The following CALN1 variants were observed in gnomAD, a reference collection of about 807,000 sequenced individuals.
The protein encoded by CALN1 is calneuron 1, also known as calcium-binding protein 8.
CALN1 carries 17 observed loss-of-function variants against 30.6 expected under a neutral mutation model. The ratio of observed to expected loss-of-function variants is 0.56; its 90% confidence interval spans 0.38 to 0.83. The LOEUF is 0.83. CALN1 is among the 40% of genes least tolerant of loss of function. The pLI, the probability that CALN1 is intolerant of heterozygous loss-of-function variation, is 0.00. For missense variants in CALN1, 291 were observed against 354.9 expected, an observed-to-expected ratio of 0.82 and a Z score of 1.45; for synonymous variants, 156 against 131.4, an observed-to-expected ratio of 1.19 and a Z score of -1.28.
chr7:72,132,779 A>C (rs1423540063), intron 3 of CALN1, among the ~76,000 whole-genome samples: 1 of 152,126 alleles, frequency 6.6e-6, no homozygotes, highest in Non-Finnish European at 1.5e-5. Flanking sequence ...TCTCTCCAAG[A>C]CAATGTAGCC....
the CALN1 span, among the ~76,000 whole-genome samples, chr7:72,475,746 C>T: frequency 6.6e-6 from 1 of 152,108 alleles, no homozygotes; most frequent in East Asian, 1.9e-4. Context: ...GTAGAAGAGC[C>T]TTGCCCAAAT....
At chr7:72,058,308 A>ATTTTTTT (rs1563019395) in intron 4 of CALN1, among the ~76,000 whole-genome samples, 50 of 92,084 alleles carry the variant, frequency 5.4e-4, no homozygotes, top group Non-Finnish European at 8.6e-4. Context: ...ACAAGCTGGA[A>ATTTTTTT]TCTTTTTTTT....
At chr7:72,108,080 A>T (rs184912994) in intron 3 of CALN1, among the ~76,000 whole-genome samples, 1 of 152,326 alleles carries the variant, frequency 6.6e-6, no homozygotes, top group African/African-American at 2.4e-5. Flanking sequence ...CACAATCATG[A>T]TGTCAGCAGA....
intron 5 of CALN1, among the ~76,000 whole-genome samples, chr7:71,868,521 G>A (rs1276678406): frequency 6.6e-6 from 1 of 151,830 alleles, no homozygotes. Flanking sequence ...ACAGATGTCC[G>A]CCACCACGCC....
intron 5 of CALN1, among the ~76,000 whole-genome samples, chr7:71,876,094 GA>G (rs970033191): frequency 1.4e-4 from 21 of 150,648 alleles, no homozygotes; most frequent in African/African-American, 4.6e-4. Context: ...AACAGGGAAA[GA>G]AAAAAAAATA....
chr7:71,931,072 A>G (rs1795525410), intron 5 of CALN1, among the ~76,000 whole-genome samples: 1 of 152,248 alleles, frequency 6.6e-6, no homozygotes, highest in Non-Finnish European at 1.5e-5. Context: ...TAAGAGAGAA[A>G]ACAAATTTCC....
At chr7:72,278,841 G>C in intron 2 of CALN1, 31 bp from the exon 3 acceptor site, 1 of 1,587,860 alleles carries the variant, frequency 6.3e-7, no homozygotes, top group Non-Finnish European at 8.6e-7. Flanking sequence ...GAGGGGAAAA[G>C]AAAGACATCA....
At chr7:72,372,127 T>C (rs1397823365) in intron 2 of CALN1, among the ~76,000 whole-genome samples, 2 of 152,202 alleles carry the variant, frequency 1.3e-5, no homozygotes, top group Admixed American at 1.3e-4. Flanking sequence ...GGTTTCCTAA[T>C]ACTCAGAATG....
chr7:72,404,924 TACTGGTGTGAATG>T (rs1806598741), intron 1 of CALN1, among the ~76,000 whole-genome samples: 1 of 152,220 alleles, frequency 6.6e-6, no homozygotes, highest in Non-Finnish European at 1.5e-5. Flanking sequence ...ACTCATCAGC[TACTGGTGTGAATG>T]AATGACGGAC....
chr7:72,193,721 A>G (rs11766552), intron 3 of CALN1, among the ~76,000 whole-genome samples: 25,029 of 152,098 alleles, frequency 0.16, 2,533 homozygotes, highest in East Asian at 0.28. Flanking sequence ...TAAAAGGTTC[A>G]GTAAAAATAT....
intron 5 of CALN1, among the ~76,000 whole-genome samples, chr7:71,880,270 G>A (rs1295017899): frequency 6.6e-6 from 1 of 152,188 alleles, no homozygotes; most frequent in Non-Finnish European, 1.5e-5. Context: ...TTGACACAGT[G>A]CTAATTCTCC....
chr7:71,835,076 G>C (rs972619059), intron 5 of CALN1, among the ~76,000 whole-genome samples: 4 of 152,104 alleles, frequency 2.6e-5, no homozygotes. Context: ...TTCAAGGAAG[G>C]GATCCTCCTG....
At chr7:72,149,708 A>G (rs996743154) in intron 3 of CALN1, among the ~76,000 whole-genome samples, 1 of 152,104 alleles carries the variant, frequency 6.6e-6, no homozygotes, top group African/African-American at 2.4e-5. Context: ...ATCTCCTCAC[A>G]CAGCACTGCA....
chr7:71,843,527 G>A (rs1325980849), intron 5 of CALN1, among the ~76,000 whole-genome samples: 1 of 152,136 alleles, frequency 6.6e-6, no homozygotes, highest in Non-Finnish European at 1.5e-5. Flanking sequence ...AAAGGCTGCA[G>A]CAGGAGGATT....
At chr7:72,350,795 AT>A (rs1211302339) in intron 2 of CALN1, among the ~76,000 whole-genome samples, 1 of 147,676 alleles carries the variant, frequency 6.8e-6, no homozygotes, top group Non-Finnish European at 1.5e-5. Context: ...TTAAAAAAAA[AT>A]AAATAAAAAA....
At chr7:72,101,624 G>A (rs1305794829) in intron 4 of CALN1, among the ~76,000 whole-genome samples, 42 of 152,058 alleles carry the variant, frequency 2.8e-4, no homozygotes, top group Admixed American at 2.8e-3. Flanking sequence ...TTGGCCCTAG[G>A]GTCCATTCAC....
rs571264363 is a variant in CALN1 at position 71,789,646 on chromosome 7, G to A, written c.659-1744C>T. Among the ~76,000 whole-genome samples the A allele has an allele frequency of 5.5e-4, 83 of 152,156 alleles. 1 individual carries two copies. The highest frequency in any genetic ancestry group is 2.0e-3 in the African/African-American group (81 of 41,520). Reference sequence around the variant, plus strand: ...AGGGTGTCCTGCCTCCAGATACCACGGCCCCACAGGGTTTACTTTGGGTCT... The same window carrying A: ...AGGGTGTCCTGCCTCCAGATACCACAGCCCCACAGGGTTTACTTTGGGTCT... On this transcript the variant is annotated intron_variant, in intron 6 of 6. Coordinates refer to ENST00000395275, the MANE Select transcript of CALN1 (RefSeq NM_031468.4).
chr7:71,795,642 G>A (rs1786853661), intron 6 of CALN1, among the ~76,000 whole-genome samples: 1 of 151,918 alleles, frequency 6.6e-6, no homozygotes, highest in African/African-American at 2.4e-5. Context: ...CATTCCGCTC[G>A]CTCTGCAGCC....
intron 2 of CALN1, among the ~76,000 whole-genome samples, chr7:72,325,494 G>A (rs545312368): frequency 1.3e-5 from 2 of 152,084 alleles, no homozygotes; most frequent in Non-Finnish European, 2.9e-5. Context: ...CCAGCTACTT[G>A]GGAGGCTGAG....
Sources: allele counts gnomAD v4.1 joint callset (sites outside exome capture counted in the v4.1 genomes callset), GRCh38; gene constraint gnomAD v4.1.1; transcripts MANE v1.5; gene names NCBI Gene and HGNC (gene_info 2026-07-23, HGNC 2026-07-21).